The following PATJ variants were observed in gnomAD, a reference collection of about 807,000 sequenced individuals.
The protein encoded by PATJ is PATJ crumbs cell polarity complex component.
Under a neutral mutation model 224.9 loss-of-function variants are expected in PATJ, and 190 were observed. The ratio of observed to expected loss-of-function variants is 0.84; its 90% CI spans 0.75 to 0.95. The LOEUF (loss-of-function observed/expected upper bound fraction) is 0.95. PATJ is among the 40% of genes least tolerant of loss of function. The pLI, the probability that PATJ is intolerant of heterozygous loss-of-function variation, is 0.00. For synonymous variants in PATJ, 769 were observed against 820.3 expected (o/e 0.94, Z 1.07); for missense variants, 2,121 against 2,270.3 (o/e 0.93, Z 1.34).
At chr1:61,743,622 T>G (rs1441440001) in intron 1 of PATJ, among the ~76,000 whole-genome samples, 1 of 152,228 alleles carries the variant, frequency 6.6e-6, no homozygotes, top group Non-Finnish European at 1.5e-5. Flanking sequence ...CAAATTAATT[T>G]GCACACATCT....
chr1:62,116,472 C>T (rs575791931), intron 35 of PATJ, 60 bp from the exon 36 acceptor site: 37 of 1,576,398 alleles, frequency 2.3e-5, no homozygotes, highest in South Asian at 1.9e-4. Context: ...CACACACACA[C>T]GTATTATGCA....
intron 35 of PATJ, 85 bp from the exon 36 acceptor site, chr1:62,116,447 G>T (rs1317018570): frequency 2.1e-6 from 3 of 1,452,680 alleles, no homozygotes; most frequent in Non-Finnish European, 2.8e-6. Context: ...GAGCATATAT[G>T]TGTGTGCATC....
At chr1:62,068,581 C>A (rs1380539469) in intron 31 of PATJ, among the ~76,000 whole-genome samples, 3 of 152,158 alleles carry the variant, frequency 2.0e-5, no homozygotes, top group Non-Finnish European at 4.4e-5. Context: ...GTTCAAGTGT[C>A]CACCCTTGGA....
Position 62,128,234 on chromosome 1 carries a change from C to T in PATJ, c.5166+140C>T. ...CTGAGGGCAAGATGCATTAGATAAA[C>T]TTGATACCTTTAGAAATTCATTAGG... On this transcript the variant is annotated intron_variant, in intron 40 of 43. Coordinates refer to ENST00000642238, the MANE Select transcript of PATJ (RefSeq NM_001350145.3). 5.4e-6 allele frequency: 4 copies of T among 737,774 alleles called. No individual in the cohort carries two copies. The East Asian group carries it at 1.1e-4, about 20-fold the overall frequency. The allele number at this position is 737,774 out of a possible 1,614,324, so 45.7% of individuals were successfully genotyped here. A position where few individuals can be genotyped will look rare whatever the true frequency, so the allele number is the denominator to read the frequency against.
chr1:61,832,924 G>A (rs923862657), intron 16 of PATJ, among the ~76,000 whole-genome samples: 5 of 152,096 alleles, frequency 3.3e-5, no homozygotes, highest in African/African-American at 1.2e-4. Flanking sequence ...ATTCCACATA[G>A]CAATGACTCT....
At position 61,993,819 on chromosome 1, in the gene PATJ, T is replaced by G. The variant is rs1264583251; in HGVS notation, c.3867+3455T>G. Among the ~76,000 whole-genome samples, 4 of 152,148 alleles carry G rather than the reference T, an allele frequency of 2.6e-5. No individual in the cohort carries two copies. In the South Asian group the frequency reaches 8.3e-4, roughly 32 times the overall value. ...ACTGTTAATGAAAACAGACTTCCACTCCCTTAGAAACTTCCGGTATCTGTT... is the reference window on the plus strand; with the variant it reads ...ACTGTTAATGAAAACAGACTTCCACGCCCTTAGAAACTTCCGGTATCTGTT... On this transcript the variant is annotated intron_variant, in intron 28 of 43. Transcript: ENST00000642238.
At chr1:61,765,865 C>T (rs890633524) in intron 3 of PATJ, among the ~76,000 whole-genome samples, 2 of 152,142 alleles carry the variant, frequency 1.3e-5, no homozygotes, top group Non-Finnish European at 2.9e-5. Context: ...TCATAGCAAG[C>T]ACTCAATAAG....
intron 27 of PATJ, among the ~76,000 whole-genome samples, chr1:61,986,444 G>C (rs147304700): frequency 0.011 from 1,641 of 151,936 alleles, 61 homozygotes; most frequent in African/African-American, 0.037. Context: ...TTTAGAGATG[G>C]GGGTCTTCCT....
Position 61,908,391 on chromosome 1 carries a change from A to T in PATJ, c.3401A>T (p.Gln1134Leu). ...KILEVSGVDL[Q>L]NASHSEAVEA... Reference sequence around the variant, plus strand: ...TTTCAGGTGTCTGGAGTAGATTTGCAGAATGCCTCACACAGCGAAGCAGTT... The same window carrying T: ...TTTCAGGTGTCTGGAGTAGATTTGCTGAATGCCTCACACAGCGAAGCAGTT... Residue 1134 changes from glutamine (Q) to leucine (L), a missense_variant, in exon 25 of 44, where the codon CAG becomes CTG. Physicochemically the swap from Gln to Leu is moderately radical, Grantham distance 113. Coordinates refer to ENST00000642238, the MANE Select transcript of PATJ (RefSeq NM_001350145.3). 1.2e-6 allele frequency: 2 copies of T among 1,613,180 alleles called. No homozygotes were observed. The highest frequency in any genetic ancestry group is 2.2e-5 in the East Asian group (1 of 44,856).
intron 24 of PATJ, 67 bp from the exon 25 acceptor site, chr1:61,908,305 C>G (rs1234997086): frequency 9.5e-7 from 1 of 1,055,222 alleles, no homozygotes; most frequent in African/African-American, 1.6e-5. Flanking sequence ...TGCACATGAA[C>G]TTTGAATTAA....
chr1:61,930,862 C>T (rs1675925151), intron 27 of PATJ, among the ~76,000 whole-genome samples: 1 of 152,120 alleles, frequency 6.6e-6, no homozygotes, highest in African/African-American at 2.4e-5. Context: ...AATGCGCCAC[C>T]ACTAATTTTG....
Position 62,162,953 on chromosome 1 carries a change from GA to G in PATJ, c.*1907del, listed in dbSNP as rs1443834321. The stretch of plus-strand genomic sequence containing the variant: ...CAGAGCAAGACTCTGTCTCGAAAAA[GA>G]AAAAAAACCATGAAGGATGAGTACT... On this transcript the variant is annotated 3_prime_UTR_variant, in exon 44 of 44. Coordinates refer to ENST00000642238, the MANE Select transcript of PATJ (RefSeq NM_001350145.3). 1.5e-5 allele frequency: 6 copies of G among 402,506 alleles called. No homozygotes were observed. The highest frequency in any genetic ancestry group is 9.8e-5 in the East Asian group (1 of 10,226). The allele number at this position is 402,506 out of a possible 1,614,324, so 24.9% of individuals were successfully genotyped here. A position where few individuals can be genotyped will look rare whatever the true frequency, so the allele number is the denominator to read the frequency against.
At chr1:62,034,175 G>T (rs1371389151) in intron 29 of PATJ, among the ~76,000 whole-genome samples, 1 of 152,164 alleles carries the variant, frequency 6.6e-6, no homozygotes, top group Non-Finnish European at 1.5e-5. Context: ...CGGCTTGATG[G>T]CTCACACCTG....
chr1:62,099,554 C>A (rs1362487149), intron 33 of PATJ, among the ~76,000 whole-genome samples: 2 of 151,520 alleles, frequency 1.3e-5, no homozygotes, highest in African/African-American at 2.4e-5. Context: ...GTAGGGAGTG[C>A]AGGTAGGGAC....
intron 14 of PATJ, among the ~76,000 whole-genome samples, chr1:61,814,177 T>A (rs1655560326): frequency 7.5e-6 from 1 of 134,090 alleles, no homozygotes; most frequent in African/African-American, 2.7e-5. Context: ...TCAGTCTCGC[T>A]CTGTTGCCTA....
Position 61,794,661 on chromosome 1 carries a change from T to TTTG in PATJ, c.1169-785_1169-783dup, listed in dbSNP as rs551832327. 2.6e-3 allele frequency among the ~76,000 whole-genome samples: 396 copies of TTTG among 152,044 alleles called. 3 individuals carry two copies. The highest frequency in any genetic ancestry group is 8.4e-3 in the African/African-American group (347 of 41,486). ...TTTCATGTTGCTGAGCTCATACTAA[T>TTTG]TTGTTGTTGTTGTTGTTGTTGTTAA... On this transcript the variant is annotated intron_variant, in intron 9 of 43. Transcript: ENST00000642238.
intron 27 of PATJ, among the ~76,000 whole-genome samples, chr1:61,931,315 A>AGT (rs1311465753): frequency 2.0e-5 from 3 of 152,372 alleles, no homozygotes; most frequent in South Asian, 2.1e-4. Context: ...ATAAACAATC[A>AGT]GATAGTTTAA....
intron 14 of PATJ, among the ~76,000 whole-genome samples, chr1:61,820,500 A>G (rs1180732605): frequency 2.0e-5 from 3 of 151,602 alleles, no homozygotes; most frequent in African/African-American, 7.3e-5. Flanking sequence ...GTGCCACCAC[A>G]CTCAGCTAAT....
At chr1:62,081,830 G>C (rs112702224) in intron 32 of PATJ, among the ~76,000 whole-genome samples, 2,612 of 152,304 alleles carry the variant, frequency 0.017, 53 homozygotes, top group South Asian at 0.085. Flanking sequence ...GCCTCCCAAA[G>C]TGCTGAGGTT....
Sources: gnomAD v4.1 joint callset for allele counts (sites outside exome capture counted in the v4.1 genomes callset) on GRCh38, gnomAD v4.1.1 for gene constraint, MANE v1.5 for transcripts, NCBI Gene and HGNC (gene_info 2026-07-23, HGNC 2026-07-21) for gene names.